ERCC4: variants seen among roughly 807,000 people sequenced by gnomAD.
ERCC4 encodes the protein DNA repair endonuclease XPF.
Under a neutral mutation model 76.9 loss-of-function variants are expected in ERCC4, and 65 were observed. The observed-to-expected ratio is 0.84, with a 90% CI of 0.69 to 1.04. The LOEUF (loss-of-function observed/expected upper bound fraction) is 1.04. Among genes scored for constraint, ERCC4 ranks in the 50% least tolerant of loss-of-function variants. The pLI is 0.00. For synonymous variants in ERCC4, 463 were observed against 410.1 expected (o/e 1.13, Z -1.56); for missense variants, 1,214 against 1,128.2 (o/e 1.08, Z -1.09).
At chr16:13,934,644 G>C (rs1049605720) in intron 7 of ERCC4, 1 of 276,316 alleles carries the variant, frequency 3.6e-6, no homozygotes, top group Non-Finnish European at 6.9e-6. Context: ...TTTAAATCTG[G>C]AATCCCCAAG....
At chr16:13,924,427 T>C (rs1236344061) in intron 2 of ERCC4, among the ~76,000 whole-genome samples, 1 of 152,224 alleles carries the variant, frequency 6.6e-6, no homozygotes, top group Non-Finnish European at 1.5e-5. Flanking sequence ...GAAATATATA[T>C]GTATTTTTCA....
chr16:13,944,192 T>C (rs2032471645), intron 9 of ERCC4: 1 of 157,732 alleles, frequency 6.3e-6, no homozygotes, highest in South Asian at 1.8e-4. Context: ...TATTTCAAAA[T>C]CTTGATCTTG....
chr16:13,931,905 G>A lies in ERCC4; in HGVS notation c.974-252G>A, dbSNP rs560476664. ...AGTGAAAAAAGTCAAATAATGTCATGGTATTGTTACGAGAAAAGTTCTGAC... is the reference window on the plus strand; with the variant it reads ...AGTGAAAAAAGTCAAATAATGTCATAGTATTGTTACGAGAAAAGTTCTGAC... On this transcript the variant is annotated intron_variant, in intron 5 of 10. Transcript: ENST00000311895. 250 of 463,956 alleles carry A rather than the reference G, an allele frequency of 5.4e-4. 5 individuals carry two copies. In the South Asian group the frequency reaches 8.7e-3, roughly 16 times the overall value. The allele number at this position is 463,956 out of a possible 1,614,324, so 28.7% of individuals were successfully genotyped here. A position where few individuals can be genotyped will look rare whatever the true frequency, so the allele number is the denominator to read the frequency against.
intron 9 of ERCC4, among the ~76,000 whole-genome samples, chr16:13,941,097 C>A (rs547170187): frequency 6.6e-6 from 1 of 152,310 alleles, no homozygotes; most frequent in East Asian, 1.9e-4. Context: ...CCTGCTTCTA[C>A]ACATCAAAGG....
intron 9 of ERCC4, among the ~76,000 whole-genome samples, chr16:13,940,998 C>T (rs1245444790): frequency 6.6e-6 from 1 of 152,196 alleles, no homozygotes; most frequent in East Asian, 1.9e-4. Context: ...TGCCTCTTCT[C>T]CAGTGCATCA....
chr16:13,935,106 A>G, intron 7 of ERCC4, 40 bp from the exon 8 acceptor site: 1 of 1,448,094 alleles, frequency 6.9e-7, no homozygotes, highest in South Asian at 1.1e-5. Context: ...TAGGAGGACA[A>G]GTGAGGTAAT....
In ERCC4 at chr16:13,951,445, T is replaced by TA. The variant is rs1453763990; in HGVS notation, c.*3099dup. 1.5e-5 allele frequency: 3 copies of TA among 205,658 alleles called. No homozygotes were observed. The highest frequency in any genetic ancestry group is 4.6e-5 in the African/African-American group (2 of 43,802). 12.7% of individuals were successfully genotyped at this position (205,658 alleles called of 1,614,324 possible). A position where few individuals can be genotyped will look rare whatever the true frequency, so the allele number is the denominator to read the frequency against. ...ATTTAAATCATGGTGCCTCTTTTGA[T>TA]ACTTTCTTAAAATTGTGCAAGAAGA... On this transcript the variant is annotated 3_prime_UTR_variant, in exon 11 of 11. Transcript: ENST00000311895.
chr16:13,920,483 C>T (rs2031950803), intron 1 of ERCC4, 111 bp downstream of exon 1: 1 of 965,134 alleles, frequency 1.0e-6, no homozygotes, highest in Non-Finnish European at 1.6e-6. Flanking sequence ...GATTCAGGCC[C>T]CTGACACTAC....
chr16:13,936,711 C>CTCT (rs971314878), intron 8 of ERCC4, among the ~76,000 whole-genome samples: 1 of 152,186 alleles, frequency 6.6e-6, no homozygotes, highest in Admixed American at 6.5e-5. Flanking sequence ...AGAGCTGAGT[C>CTCT]TCTTGACTCA....
chr16:13,949,544 G>T lies in ERCC4; in HGVS notation c.*1197G>T, dbSNP rs1190618242. 1 of 232,898 alleles carries T rather than the reference G, an allele frequency of 4.3e-6. No individual in the cohort carries two copies. 14.4% of individuals were successfully genotyped at this position (232,898 alleles called of 1,614,324 possible). A position where few individuals can be genotyped will look rare whatever the true frequency, so the allele number is the denominator to read the frequency against. On this transcript the variant is annotated 3_prime_UTR_variant, in exon 11 of 11. Transcript: ENST00000311895. ...AATGAGTGGCCCACTAAGCTTTTAA[G>T]ATTTGATTTTCCTGCCTTGAGATAA...
intron 8 of ERCC4, 101 bp downstream of exon 8, chr16:13,935,844 A>T: frequency 1.1e-6 from 1 of 914,136 alleles, no homozygotes; most frequent in Non-Finnish European, 1.8e-6. Context: ...ATCCGTTACG[A>T]TGCTGCTTAT....
In ERCC4 at chr16:13,948,250, C is replaced by T. The variant is rs772294893; in HGVS notation, c.2654C>T (p.Thr885Met). Residue 885 changes from threonine to methionine, a missense_variant, in exon 11 of 11, where the codon ACG becomes ATG. Transcript: ENST00000311895. ...GCAGCCCTGTCACAAGACGAGCTCACGAGTATTCTGGGGAATGCTGCAAAT... is the reference window on the plus strand; with the variant it reads ...GCAGCCCTGTCACAAGACGAGCTCATGAGTATTCTGGGGAATGCTGCAAAT... ...ELAALSQDEL[T>M]SILGNAANAK... 9.3e-6 allele frequency: 15 copies of T among 1,613,986 alleles called. No homozygotes were observed. The highest frequency in any genetic ancestry group is 1.1e-5 in the South Asian group (1 of 91,088).
In ERCC4 at chr16:13,922,142, A is replaced by G; in HGVS notation, c.319A>G (p.Ile107Val). 6 of 1,613,452 alleles carry G rather than the reference A, an allele frequency of 3.7e-6. No homozygotes were observed. The highest frequency in any genetic ancestry group is 4.2e-6 in the Non-Finnish European group (5 of 1,179,328). The change falls in exon 2 of 11, where the codon ATA becomes GTA. Residue 107 changes from isoleucine (I) to valine (V), a missense_variant. By Grantham distance (29) the Ile-to-Val change is conservative (BLOSUM62 3). Coordinates refer to ENST00000311895, the MANE Select transcript of ERCC4 (RefSeq NM_005236.3). ...TGAAGTTTACACACAAGGTGGTGTT[A>G]TATTTGCGACAAGTAGGATACTTGT... ...RYEVYTQGGV[I>V]FATSRILVVD...
chr16:13,948,458 C>T lies in ERCC4; in HGVS notation c.*111C>T. On this transcript the variant is annotated 3_prime_UTR_variant, in exon 11 of 11. Transcript: ENST00000311895. Reference sequence around the variant, plus strand: ...TGCTATTTCATTCTTTTCCAATGCTCTTAATGATTGTACGGTGGACCAGAA... The same window carrying T: ...TGCTATTTCATTCTTTTCCAATGCTTTTAATGATTGTACGGTGGACCAGAA... 1.5e-6 allele frequency: 2 copies of T among 1,306,832 alleles called. No homozygotes were observed. The highest frequency in any genetic ancestry group is 1.2e-5 in the South Asian group (1 of 83,282). The allele number at this position is 1,306,832 out of a possible 1,614,324, so 81.0% of individuals were successfully genotyped here.
chr16:13,926,878 TAGAACCTAGTC>T, intron 3 of ERCC4, 122 bp downstream of exon 3: 1 of 803,390 alleles, frequency 1.2e-6, no homozygotes, highest in South Asian at 1.5e-5. Context: ...TTTTGTTTGA[TAGAACCTAGTC>T]AGTTTTATAA....
In ERCC4 at chr16:13,949,710, G is replaced by A. The variant is rs960297884; in HGVS notation, c.*1363G>A. 4.3e-6 allele frequency: 1 copy of A among 232,496 alleles called. No homozygotes were observed. Among genetic ancestry groups the A allele is most frequent in the African/African-American group, 2.2e-5 (1 of 45,274 alleles). The allele number at this position is 232,496 out of a possible 1,614,324, so 14.4% of individuals were successfully genotyped here. ...GCTTTTTACGTAAGTGTACAAATAG[G>A]ATATTCACAGCATCTTTGTGCAGTT... On this transcript the variant is annotated 3_prime_UTR_variant, in exon 11 of 11. Coordinates refer to ENST00000311895, the MANE Select transcript of ERCC4 (RefSeq NM_005236.3).
rs536410941 is a variant in ERCC4 at position 13,944,933 on chromosome 16, C to G, written c.2017+98C>G. On this transcript the variant is annotated intron_variant, in intron 10 of 10. Transcript: ENST00000311895. ...AAGGCTTGGTCTGTATTAACAAACT[C>G]TTAAAAATGGGGGTTGGGCCAAGGA... 7.7e-6 allele frequency: 6 copies of G among 778,460 alleles called. No homozygotes were observed. In the East Asian group the frequency reaches 1.6e-4, roughly 20 times the overall value. The allele number at this position is 778,460 out of a possible 1,614,324, so 48.2% of individuals were successfully genotyped here.
chr16:13,946,243 A>G (rs1038996913), intron 10 of ERCC4, among the ~76,000 whole-genome samples: 4 of 152,244 alleles, frequency 2.6e-5, no homozygotes, highest in Non-Finnish European at 5.9e-5. Context: ...ACGGAGATAC[A>G]TTCTGAGAAA....
chr16:13,945,941 T>G (rs1042675165), intron 10 of ERCC4, among the ~76,000 whole-genome samples: 3 of 152,222 alleles, frequency 2.0e-5, no homozygotes, highest in Non-Finnish European at 2.9e-5. Context: ...GCACACATTT[T>G]ATTATGTTAC....
Sources: allele counts gnomAD v4.1 joint callset (sites outside exome capture counted in the v4.1 genomes callset), GRCh38; gene constraint gnomAD v4.1.1; transcripts MANE v1.5; gene names NCBI Gene and HGNC (gene_info 2026-07-23, HGNC 2026-07-21).